The following ZNF385D variants were observed in gnomAD, a reference collection of about 807,000 sequenced individuals.
ZNF385D encodes zinc finger protein 659.
Under a neutral mutation model 35.8 loss-of-function variants are expected in ZNF385D, and 15 were observed. That is an observed-to-expected ratio of 0.42 (90% CI 0.28 to 0.64). The LOEUF (loss-of-function observed/expected upper bound fraction) is 0.64. Ranked by LOEUF, ZNF385D falls within the 30% of genes least tolerant of loss-of-function variation. ZNF385D has a pLI of 0.23. For synonymous variants in ZNF385D, 212 were observed against 186.8 expected (o/e 1.13, Z -1.10); for missense variants, 474 against 494.6 (o/e 0.96, Z 0.39).
At chr3:21,835,232 G>A (rs920551094) in intron 3 of ZNF385D, among the ~76,000 whole-genome samples, 1 of 143,260 alleles carries the variant, frequency 7.0e-6, no homozygotes, top group Non-Finnish European at 1.5e-5. Context: ...AAACTAGTGA[G>A]GCTATGTATA....
intron 3 of ZNF385D, among the ~76,000 whole-genome samples, chr3:22,133,069 C>G (rs973274365): frequency 3.3e-5 from 5 of 152,058 alleles, no homozygotes; most frequent in Non-Finnish European, 7.4e-5. Context: ...AGCTAATTGA[C>G]TTATTAAATG....
intron 3 of ZNF385D, among the ~76,000 whole-genome samples, chr3:22,020,466 A>C (rs1469661560): frequency 1.3e-5 from 2 of 152,050 alleles, no homozygotes; most frequent in East Asian, 3.9e-4. Flanking sequence ...ATAAGGCTCT[A>C]AACACAGCAG....
intron 3 of ZNF385D, among the ~76,000 whole-genome samples, chr3:22,119,030 T>TA (rs1370170721): frequency 6.6e-6 from 1 of 152,114 alleles, no homozygotes; most frequent in African/African-American, 2.4e-5. Flanking sequence ...TACCTAATTC[T>TA]AAAAAATTGA....
At chr3:21,744,314 T>C (rs2069660317) in intron 1 of ZNF385D, among the ~76,000 whole-genome samples, 1 of 152,198 alleles carries the variant, frequency 6.6e-6, no homozygotes, top group Non-Finnish European at 1.5e-5. Context: ...ACATTTACAT[T>C]CCTTATTGCG....
At chr3:22,008,579 A>G (rs1231582347) in intron 3 of ZNF385D, among the ~76,000 whole-genome samples, 1 of 152,046 alleles carries the variant, frequency 6.6e-6, no homozygotes, top group African/African-American at 2.4e-5. Flanking sequence ...CATGGTCTCG[A>G]TCTCCTGACC....
chr3:22,028,865 G>A (rs952558746), intron 3 of ZNF385D, among the ~76,000 whole-genome samples: 1 of 152,116 alleles, frequency 6.6e-6, no homozygotes, highest in Non-Finnish European at 1.5e-5. Flanking sequence ...TCAACTAGGG[G>A]ACTATACTTT....
intron 2 of ZNF385D, among the ~76,000 whole-genome samples, chr3:22,213,024 T>A (rs1697627626): frequency 6.6e-6 from 1 of 152,042 alleles, no homozygotes; most frequent in Non-Finnish European, 1.5e-5. Context: ...TTTTCTGGCT[T>A]CTGCTGAAAT....
chr3:21,827,966 T>C (rs1479585491), intron 3 of ZNF385D, among the ~76,000 whole-genome samples: 1 of 152,328 alleles, frequency 6.6e-6, no homozygotes, highest in East Asian at 1.9e-4. Flanking sequence ...GGATAAATGT[T>C]ACTATGAGTC....
intron 2 of ZNF385D, among the ~76,000 whole-genome samples, chr3:21,577,066 A>G (rs533605033): frequency 2.0e-5 from 3 of 152,290 alleles, no homozygotes; most frequent in South Asian, 4.1e-4. Flanking sequence ...AACTTAATCT[A>G]TATCTTTAAT....
At chr3:21,556,473 A>G (rs1031454097) in intron 3 of ZNF385D, among the ~76,000 whole-genome samples, 4 of 152,348 alleles carry the variant, frequency 2.6e-5, no homozygotes, top group Admixed American at 2.6e-4. Flanking sequence ...CATTTATTAA[A>G]TAGGGAAGCC....
chr3:22,080,106 C>T (rs1014848689), intron 3 of ZNF385D, among the ~76,000 whole-genome samples: 22 of 152,036 alleles, frequency 1.4e-4, no homozygotes, highest in African/African-American at 5.1e-4. Context: ...GATGTTTTTG[C>T]CATTACAGTT....
rs183477116 is a variant in ZNF385D, at chr3:21,595,376, C to T, written c.166-30692G>A. Among the ~76,000 whole-genome samples the T allele has an allele frequency of 5.3e-5, 8 of 151,208 alleles. No homozygotes were observed. In the Admixed American group the frequency reaches 5.3e-4, roughly 10 times the overall value. ...TCTCATTATATATACTATTATATCC[C>T]ATTATATATGTATGTTTTATATCCC... On this transcript the variant is annotated intron_variant, in intron 2 of 7. Coordinates refer to ENST00000281523, the MANE Select transcript of ZNF385D (RefSeq NM_024697.3).
At chr3:21,918,504 A>C (rs1700302430) in intron 3 of ZNF385D, among the ~76,000 whole-genome samples, 1 of 152,146 alleles carries the variant, frequency 6.6e-6, no homozygotes, top group African/African-American at 2.4e-5. Flanking sequence ...GTTCACCTGA[A>C]TGATATATTT....
intron 2 of ZNF385D, among the ~76,000 whole-genome samples, chr3:22,359,020 G>A (rs1201597532): frequency 4.7e-5 from 7 of 147,616 alleles, no homozygotes; most frequent in African/African-American, 1.5e-4. Context: ...AGGCAAAAAA[G>A]TATACTGCCT....
chr3:21,556,740 G>C (rs996842008), intron 3 of ZNF385D, among the ~76,000 whole-genome samples: 1 of 152,150 alleles, frequency 6.6e-6, no homozygotes, highest in African/African-American at 2.4e-5. Flanking sequence ...GATGGGAATA[G>C]CATTGAATCT....
chr3:22,139,951 G>A (rs1163842154), intron 3 of ZNF385D, among the ~76,000 whole-genome samples: 1 of 152,002 alleles, frequency 6.6e-6, no homozygotes, highest in Admixed American at 6.6e-5. Context: ...ATACTGACAG[G>A]TTACATCAAG....
At chr3:21,951,791 A>G (rs950555970) in intron 3 of ZNF385D, among the ~76,000 whole-genome samples, 1 of 151,584 alleles carries the variant, frequency 6.6e-6, no homozygotes, top group Non-Finnish European at 1.5e-5. Flanking sequence ...TTTCTAAATT[A>G]TTGGCTTAAA....
chr3:21,878,633 A>C (rs140345376), intron 3 of ZNF385D, among the ~76,000 whole-genome samples: 129 of 152,156 alleles, frequency 8.5e-4, no homozygotes, highest in Non-Finnish European at 1.6e-3. Context: ...CATTGTTATA[A>C]ACAGCACTGT....
intron 3 of ZNF385D, among the ~76,000 whole-genome samples, chr3:21,976,865 G>A (rs1212476471): frequency 6.6e-6 from 1 of 152,162 alleles, no homozygotes; most frequent in Non-Finnish European, 1.5e-5. Flanking sequence ...TTGCATGCCT[G>A]TAATCCCAGC....
Sources: gnomAD v4.1 joint callset for allele counts (sites outside exome capture counted in the v4.1 genomes callset) on GRCh38, gnomAD v4.1.1 for gene constraint, MANE v1.5 for transcripts, NCBI Gene and HGNC (gene_info 2026-07-23, HGNC 2026-07-21) for gene names.